TRDN: variants seen among roughly 807,000 people sequenced by gnomAD.
The protein encoded by TRDN is triadin in skeletal muscle.
Under a neutral mutation model 149.7 loss-of-function variants are expected in TRDN, and 161 were observed. The ratio of observed to expected loss-of-function variants is 1.08; its 90% CI spans 0.95 to 1.23. The LOEUF is 1.23. Ranked by LOEUF, TRDN falls within the 50% of genes most tolerant of loss-of-function variation. TRDN has a pLI of 0.00. For synonymous variants in TRDN, 294 were observed against 250.5 expected, an observed-to-expected ratio of 1.17 and a Z score of -1.64; for missense variants, 896 against 823.5, an observed-to-expected ratio of 1.09 and a Z score of -1.08.
At chr6:123,543,435 T>A (rs1252945303) in intron 4 of TRDN, among the ~76,000 whole-genome samples, 1 of 152,190 alleles carries the variant, frequency 6.6e-6, no homozygotes. Flanking sequence ...CCAGAAGGCA[T>A]AAAACATGTC....
chr6:123,591,745 C>T (rs1052314587), intron 1 of TRDN, among the ~76,000 whole-genome samples: 1 of 151,962 alleles, frequency 6.6e-6, no homozygotes, highest in African/African-American at 2.4e-5. Flanking sequence ...AGAAAAAAAC[C>T]AGCAGCTTCC....
intron 1 of TRDN, among the ~76,000 whole-genome samples, chr6:123,590,682 A>C (rs1783735296): frequency 6.6e-6 from 1 of 152,124 alleles, no homozygotes; most frequent in South Asian, 2.1e-4. Flanking sequence ...GAATTGCTTG[A>C]ACTCTGGAAG....
chr6:123,629,446 G>T (rs1372007635), intron 1 of TRDN, among the ~76,000 whole-genome samples: 1 of 152,022 alleles, frequency 6.6e-6, no homozygotes, highest in South Asian at 2.1e-4. Context: ...AGATAAAACT[G>T]GTTTGTCACA....
intron 1 of TRDN, among the ~76,000 whole-genome samples, chr6:123,603,313 T>A (rs1784364528): frequency 6.6e-6 from 1 of 152,078 alleles, no homozygotes; most frequent in Non-Finnish European, 1.5e-5. Flanking sequence ...TATCTTATCC[T>A]TTACTGAAAC....
At chr6:123,232,812 A>C (rs1334285636) in intron 38 of TRDN, among the ~76,000 whole-genome samples, 1 of 152,024 alleles carries the variant, frequency 6.6e-6, no homozygotes, top group Admixed American at 6.6e-5. Context: ...TCTCAGTTTT[A>C]AACATAAAAT....
At chr6:123,319,991 T>C (rs968473849) in intron 23 of TRDN, among the ~76,000 whole-genome samples, 7 of 152,100 alleles carry the variant, frequency 4.6e-5, no homozygotes, top group African/African-American at 1.2e-4. Context: ...AGACAAACTC[T>C]GTTTAGGAGT....
At chr6:123,456,676 C>T (rs1013679601) in intron 10 of TRDN, among the ~76,000 whole-genome samples, 1 of 152,184 alleles carries the variant, frequency 6.6e-6, no homozygotes, top group South Asian at 2.1e-4. Context: ...GCCATGTTGC[C>T]CAGGCTGGTC....
chr6:123,238,501 C>A (rs1257306606), intron 38 of TRDN, among the ~76,000 whole-genome samples: 1 of 151,986 alleles, frequency 6.6e-6, no homozygotes, highest in Admixed American at 6.6e-5. Flanking sequence ...AAGGAAAAAA[C>A]CCTCAATTTA....
intron 4 of TRDN, among the ~76,000 whole-genome samples, chr6:123,535,583 A>G (rs964535348): frequency 6.6e-6 from 1 of 152,130 alleles, no homozygotes; most frequent in African/African-American, 2.4e-5. Flanking sequence ...TCATTAAGGA[A>G]CTCAGAGAAT....
At chr6:123,618,988 A>T (rs1350502982) in intron 1 of TRDN, among the ~76,000 whole-genome samples, 1 of 152,192 alleles carries the variant, frequency 6.6e-6, no homozygotes, top group African/African-American at 2.4e-5. Flanking sequence ...TCAATGATGA[A>T]ACTGAAGAAG....
intron 21 of TRDN, chr6:123,350,361 A>T: frequency 1.1e-6 from 1 of 935,740 alleles, no homozygotes; most frequent in Non-Finnish European, 1.3e-6. Context: ...GTGTACTTAA[A>T]CTCTATTAAG....
intron 6 of TRDN, 38 bp downstream of exon 6, chr6:123,516,103 A>G: frequency 7.0e-7 from 1 of 1,432,576 alleles, no homozygotes; most frequent in Non-Finnish European, 9.2e-7. Flanking sequence ...ATGGGAAAGG[A>G]CTCAGTGTGT....
chr6:123,391,421 T>C (rs1285347056), intron 13 of TRDN, among the ~76,000 whole-genome samples: 1 of 152,066 alleles, frequency 6.6e-6, no homozygotes, highest in African/African-American at 2.4e-5. Flanking sequence ...CTTCAAAATG[T>C]TAATGACATT....
intron 8 of TRDN, chr6:123,498,054 T>TGAGGTCAATCCAACTCA (rs1778525667): frequency 6.5e-6 from 1 of 154,812 alleles, no homozygotes; most frequent in Admixed American, 6.4e-5. Flanking sequence ...TAGATTCTCC[T>TGAGGTCAATCCAACTCA]GAGGTCAATC....
At chr6:123,574,487 C>T (rs1241193254) in intron 1 of TRDN, among the ~76,000 whole-genome samples, 1 of 151,784 alleles carries the variant, frequency 6.6e-6, no homozygotes, top group Non-Finnish European at 1.5e-5. Context: ...CTTTGAAATG[C>T]AATTTAAGAC....
intron 21 of TRDN, among the ~76,000 whole-genome samples, chr6:123,348,118 A>C (rs1933901): frequency 2.0e-5 from 3 of 152,024 alleles, no homozygotes; most frequent in Non-Finnish European, 2.9e-5. Flanking sequence ...CCCAGACTTT[A>C]CAGGTCATAA....
intron 12 of TRDN, among the ~76,000 whole-genome samples, chr6:123,414,650 A>G (rs1272691720): frequency 6.6e-6 from 1 of 152,122 alleles, no homozygotes; most frequent in Non-Finnish European, 1.5e-5. Flanking sequence ...TGCCATTCTG[A>G]GAGTTAAGTC....
At chr6:123,381,335 A>G in intron 16 of TRDN, 35 bp downstream of exon 16, 1 of 1,542,718 alleles carries the variant, frequency 6.5e-7, no homozygotes. Context: ...TAGTAAAAAA[A>G]AAAGTACACA....
chr6:123,250,955 T>C (rs955426048), intron 38 of TRDN, among the ~76,000 whole-genome samples: 8 of 152,126 alleles, frequency 5.3e-5, no homozygotes, highest in African/African-American at 1.9e-4. Flanking sequence ...CTATCTTTCT[T>C]TGTCAGTCAT....
Sources: gnomAD v4.1 joint callset for allele counts (sites outside exome capture counted in the v4.1 genomes callset) on GRCh38, gnomAD v4.1.1 for gene constraint, MANE v1.5 for transcripts, NCBI Gene and HGNC (gene_info 2026-07-23, HGNC 2026-07-21) for gene names.